Variants in DLGAP3 observed in about 807,000 individuals in gnomAD.
The protein encoded by DLGAP3 is disks large-associated protein 3.
Under a neutral mutation model 81.2 loss-of-function variants are expected in DLGAP3, and 17 were observed. The observed-to-expected ratio is 0.21, with a 90% CI of 0.14 to 0.31. The LOEUF (loss-of-function observed/expected upper bound fraction) is 0.31, where lower values mean the gene tolerates loss of function less well. DLGAP3 is among the 10% of genes least tolerant of loss of function. The probability of loss-of-function intolerance (pLI) is 1.00; values close to 1 mark genes in which losing one functional copy is unlikely to be tolerated. For missense variants in DLGAP3, 1,124 were observed against 1,388.0 expected, an observed-to-expected ratio of 0.81 and a Z score of 3.02; for synonymous variants, 577 against 587.4, an observed-to-expected ratio of 0.98 and a Z score of 0.26.
intron 8 of DLGAP3, among the ~76,000 whole-genome samples, chr1:34,880,134 C>A (rs1428842726): frequency 6.6e-6 from 1 of 152,086 alleles, no homozygotes; most frequent in Non-Finnish European, 1.5e-5. Context: ...GATCACTGCA[C>A]CCTCAAACCC....
chr1:34,887,146 A>G (rs1639246991), intron 5 of DLGAP3, among the ~76,000 whole-genome samples: 2 of 151,826 alleles, frequency 1.3e-5, no homozygotes, highest in African/African-American at 4.8e-5. Flanking sequence ...TAGTAGAGAC[A>G]GGATTTCACC....
At chr1:34,874,919 A>T (rs1408838284) in intron 8 of DLGAP3, among the ~76,000 whole-genome samples, 3 of 152,132 alleles carry the variant, frequency 2.0e-5, no homozygotes, top group Non-Finnish European at 4.4e-5. Context: ...GTGTGAAGGC[A>T]TCTAAGAGCC....
rs140339373 is a variant in DLGAP3, at chr1:34,900,198, C to T, written c.1183G>A (p.Gly395Ser). The T allele has an allele frequency of 5.0e-6, 8 of 1,614,180 alleles. No homozygotes were observed. The highest frequency in any genetic ancestry group is 2.2e-5 in the East Asian group (1 of 44,874). Residue 395 changes from glycine to serine, a missense_variant, in exon 4 of 12, where the codon GGC (glycine) becomes AGC (serine). By Grantham distance (56) the Gly-to-Ser change is moderately conservative (BLOSUM62 0). Around this residue, in one of 9 missense-constraint regions of DLGAP3, gnomAD observed 357 missense variants for 408.8 expected, o/e 0.87. Transcript: ENST00000373347. The surrounding 1 kb of genome is among the most constrained non-coding windows in gnomAD (Gnocchi z 5.6). ...GEIPCRRMRS[G>S]SYIKAMGDEE... ...TCCCCCATGGCTTTGATGTAGCTGC[C>T]GCTCCGCATCCTGCGGCAGGGGATC...
intron 1 of DLGAP3, among the ~76,000 whole-genome samples, chr1:34,913,201 T>C (rs1639664319): frequency 1.3e-5 from 2 of 152,206 alleles, no homozygotes; most frequent in Admixed American, 1.3e-4. Context: ...TATTACTTTA[T>C]TTAATCAACT....
intron 1 of DLGAP3, among the ~76,000 whole-genome samples, chr1:34,913,893 C>T (rs10493065): frequency 0.16 from 24,415 of 152,094 alleles, 2,508 homozygotes; most frequent in East Asian, 0.49. Flanking sequence ...TGTCTAGCCG[C>T]TCTGCTTAGC....
chr1:34,892,139 A>T (rs1639320133), intron 5 of DLGAP3, among the ~76,000 whole-genome samples: 1 of 152,224 alleles, frequency 6.6e-6, no homozygotes, highest in East Asian at 1.9e-4. Context: ...CAATGACTTC[A>T]TGAATACAAA....
chr1:34,872,501 G>A (rs767795294), intron 8 of DLGAP3, among the ~76,000 whole-genome samples: 1 of 152,188 alleles, frequency 6.6e-6, no homozygotes, highest in Non-Finnish European at 1.5e-5. Context: ...AGAACCTGTG[G>A]TGTAGGCAGA....
chr1:34,869,480 A>ATTTT (rs71029050), intron 8 of DLGAP3, among the ~76,000 whole-genome samples: 1 of 69,276 alleles, frequency 1.4e-5, no homozygotes, highest in African/African-American at 5.2e-5. Flanking sequence ...AGATATTTCA[A>ATTTT]TTTTTTTTTT....
In DLGAP3 at chr1:34,907,421, C is replaced by T. The variant is rs1308126512; in HGVS notation, c.-118G>A. On this transcript the variant is annotated 5_prime_UTR_variant, in exon 2 of 12. Coordinates refer to ENST00000373347, the MANE Select transcript of DLGAP3 (RefSeq NM_001080418.3). The stretch of plus-strand genomic sequence containing the variant: ...CAGGCAGAAGCCTAACTTCAGAAGG[C>T]TCAGGACCACTGAATCCTGATGGAA... The T allele has an allele frequency of 2.0e-5, 3 of 152,618 alleles. No individual in the cohort carries two copies. The highest frequency in any genetic ancestry group is 1.3e-4 in the Admixed American group (2 of 15,278). The allele number at this position is 152,618 out of a possible 1,614,324, so 9.5% of individuals were successfully genotyped here.
chr1:34,905,408 T>G lies in DLGAP3; in HGVS notation c.-25A>C. Reference sequence around the variant, plus strand: ...TGGCCTCAGCAAAGGCTCTTCATAGTCTTGGGGGCCAGGCCCCAGGAACCT... The same window carrying G: ...TGGCCTCAGCAAAGGCTCTTCATAGGCTTGGGGGCCAGGCCCCAGGAACCT... On this transcript the variant is annotated 5_prime_UTR_variant, in exon 3 of 12. Coordinates refer to ENST00000373347, the MANE Select transcript of DLGAP3 (RefSeq NM_001080418.3). The G allele has an allele frequency of 6.5e-7, 1 of 1,540,120 alleles. No individual in the cohort carries two copies. The highest frequency in any genetic ancestry group is 2.5e-5 in the East Asian group (1 of 40,748).
chr1:34,911,651 G>A (rs553007364), intron 1 of DLGAP3, among the ~76,000 whole-genome samples: 1 of 152,332 alleles, frequency 6.6e-6, no homozygotes, highest in South Asian at 2.1e-4. Flanking sequence ...AAGTGGCACA[G>A]ATGCCGTCAC....
At chr1:34,885,389 CG>C in intron 7 of DLGAP3, 88 bp downstream of exon 7, 1 of 1,391,582 alleles carries the variant, frequency 7.2e-7, no homozygotes, top group South Asian at 1.2e-5. Flanking sequence ...GAAAGAATGT[CG>C]ATATATCCAG....
chr1:34,888,884 C>G (rs564742848), intron 5 of DLGAP3, among the ~76,000 whole-genome samples: 1 of 152,332 alleles, frequency 6.6e-6, no homozygotes, highest in African/African-American at 2.4e-5. Context: ...AGGCTCAAGA[C>G]ACTCCCCAAT....
intron 8 of DLGAP3, among the ~76,000 whole-genome samples, chr1:34,877,053 A>G (rs896684863): frequency 7.2e-5 from 11 of 152,230 alleles, no homozygotes; most frequent in Admixed American, 2.0e-4. Context: ...TAGGAATGAG[A>G]AATGTCCAGG....
At chr1:34,903,510 T>C (rs1481405243) in intron 3 of DLGAP3, among the ~76,000 whole-genome samples, 1 of 152,226 alleles carries the variant, frequency 6.6e-6, no homozygotes, top group Non-Finnish European at 1.5e-5. Flanking sequence ...GAAAACGATG[T>C]GGGCTGGATG....
intron 3 of DLGAP3, among the ~76,000 whole-genome samples, chr1:34,901,242 G>A (rs1025398373): frequency 1.3e-5 from 2 of 152,086 alleles, no homozygotes; most frequent in Non-Finnish European, 2.9e-5. Context: ...GAAGAAGAGA[G>A]ATGAGCAGAG....
intron 1 of DLGAP3, among the ~76,000 whole-genome samples, chr1:34,917,789 T>C (rs1639739517): frequency 6.6e-6 from 1 of 152,222 alleles, no homozygotes; most frequent in African/African-American, 2.4e-5. Flanking sequence ...AGGTCATTCA[T>C]TAAATCCTCC....
chr1:34,906,656 A>G (rs1243936386), intron 2 of DLGAP3, among the ~76,000 whole-genome samples: 2 of 131,606 alleles, frequency 1.5e-5, no homozygotes, highest in Non-Finnish European at 3.6e-5. Flanking sequence ...AGGAAAATCC[A>G]TAAAGAAGAA....
rs543353512 is a variant in DLGAP3 at position 34,900,323 on chromosome 1, G to T, written c.1108-50C>A. ...CTCAGACATGACCCTAGTAAATCTA[G>T]AGGCCAGGACTCTTTCCCCACTGCC... On this transcript the variant is annotated intron_variant, in intron 3 of 11. Coordinates refer to ENST00000373347, the MANE Select transcript of DLGAP3 (RefSeq NM_001080418.3). This position sits in a 1 kb window ranked among gnomAD's most constrained non-coding sequence, Gnocchi z 5.6. 62 of 1,584,326 alleles carry T rather than the reference G, an allele frequency of 3.9e-5. 1 individual carries two copies. In the Admixed American group the frequency reaches 7.8e-4, roughly 20 times the overall value.
Sources: gnomAD v4.1 joint callset for allele counts (sites outside exome capture counted in the v4.1 genomes callset) on GRCh38, gnomAD v4.1.1 for gene constraint, gnomAD v4.1.1 regional missense constraint, Gnocchi (gnomAD v3.1) non-coding constraint, MANE v1.5 for transcripts, NCBI Gene and HGNC (gene_info 2026-07-23, HGNC 2026-07-21) for gene names.